NXPH1: variants seen among roughly 807,000 people sequenced by gnomAD.
The protein encoded by NXPH1 is neurexophilin 1, also known as neurexophilin-1.
A neutral mutation model predicts 23.7 loss-of-function variants in NXPH1; 5 were observed. The ratio of observed to expected loss-of-function variants is 0.21; its 90% CI spans 0.11 to 0.44. NXPH1 has a LOEUF of 0.44. NXPH1 is among the 20% of genes least tolerant of loss of function. NXPH1 has a pLI of 0.99. For missense variants in NXPH1, 324 were observed against 321.6 expected (o/e 1.01, Z -0.06); for synonymous variants, 144 against 122.2 (o/e 1.18, Z -1.18).
At chr7:8,683,478 C>T (rs1289616567) in intron 2 of NXPH1, among the ~76,000 whole-genome samples, 2 of 152,240 alleles carry the variant, frequency 1.3e-5, no homozygotes, top group East Asian at 3.9e-4. Context: ...ATTTAGAATT[C>T]TTACACAGGA....
intron 2 of NXPH1, among the ~76,000 whole-genome samples, chr7:8,523,437 G>A (rs1366322396): frequency 6.6e-6 from 1 of 152,144 alleles, no homozygotes; most frequent in African/African-American, 2.4e-5. Flanking sequence ...TGATAAATAT[G>A]ACTGTACATT....
chr7:8,574,253 C>G (rs984882919), intron 2 of NXPH1, among the ~76,000 whole-genome samples: 8 of 151,826 alleles, frequency 5.3e-5, no homozygotes, highest in African/African-American at 1.9e-4. Flanking sequence ...ATTTTCTAGG[C>G]AAAACTGTTT....
intron 2 of NXPH1, among the ~76,000 whole-genome samples, chr7:8,664,931 T>C (rs1027090958): frequency 1.3e-5 from 2 of 152,084 alleles, no homozygotes; most frequent in African/African-American, 4.8e-5. Context: ...TAATCTCTTA[T>C]CAGGTGTGCA....
At chr7:8,606,148 C>T (rs1353025277) in intron 2 of NXPH1, among the ~76,000 whole-genome samples, 1 of 152,024 alleles carries the variant, frequency 6.6e-6, no homozygotes, top group Non-Finnish European at 1.5e-5. Flanking sequence ...GTATTCAGTA[C>T]TCAATTTAAC....
chr7:8,736,911 G>T (rs1444221384), intron 2 of NXPH1, among the ~76,000 whole-genome samples: 1 of 150,678 alleles, frequency 6.6e-6, no homozygotes, highest in African/African-American at 2.4e-5. Context: ...GGTCTTTGTT[G>T]GTTTAAAGTC....
chr7:8,651,560 A>G (rs925811345), intron 2 of NXPH1, among the ~76,000 whole-genome samples: 1 of 151,990 alleles, frequency 6.6e-6, no homozygotes, highest in African/African-American at 2.4e-5. Flanking sequence ...GACTTCCACA[A>G]TGGTTGAACT....
chr7:8,536,012 C>G (rs1186102516), intron 2 of NXPH1, among the ~76,000 whole-genome samples: 1 of 151,990 alleles, frequency 6.6e-6, no homozygotes, highest in East Asian at 1.9e-4. Context: ...ATCCTTTGCT[C>G]AGATGGGCAT....
At chr7:8,634,963 T>A (rs1820195864) in intron 2 of NXPH1, among the ~76,000 whole-genome samples, 1 of 148,948 alleles carries the variant, frequency 6.7e-6, no homozygotes, top group African/African-American at 2.5e-5. Context: ...ATGACTCTTT[T>A]GCTTCTCACC....
At chr7:8,556,538 G>A (rs1562401170) in intron 2 of NXPH1, among the ~76,000 whole-genome samples, 1 of 151,644 alleles carries the variant, frequency 6.6e-6, no homozygotes, top group Admixed American at 6.6e-5. Flanking sequence ...TGAGTTCCGA[G>A]AATGCTCCAG....
rs1355429167 is a variant in NXPH1, at chr7:8,442,738, A to T, written c.54+6971A>T. On this transcript the variant is annotated intron_variant, in intron 2 of 2. Coordinates refer to ENST00000405863, the MANE Select transcript of NXPH1 (RefSeq NM_152745.3). The surrounding 1 kb of genome is among the most constrained non-coding windows in gnomAD (Gnocchi z 4.6). ...TATTGTCTGCTTTCAGTCGCAGGTG[A>T]CCTCGAGCGATCTCGACAGGTTTAT... 1.3e-5 allele frequency among the ~76,000 whole-genome samples: 2 copies of T among 152,120 alleles called. No homozygotes were observed. The highest frequency in any genetic ancestry group is 6.5e-5 in the Admixed American group (1 of 15,276).
intron 2 of NXPH1, among the ~76,000 whole-genome samples, chr7:8,689,058 A>G (rs1821189423): frequency 6.6e-6 from 1 of 152,116 alleles, no homozygotes; most frequent in Non-Finnish European, 1.5e-5. Flanking sequence ...CTGACTGAGT[A>G]TTTGCTCTTA....
At chr7:8,733,320 A>G (rs1780190906) in intron 2 of NXPH1, among the ~76,000 whole-genome samples, 1 of 152,180 alleles carries the variant, frequency 6.6e-6, no homozygotes, top group Non-Finnish European at 1.5e-5. Flanking sequence ...GCTATTGTGA[A>G]TAGTGCTGCA....
intron 2 of NXPH1, among the ~76,000 whole-genome samples, chr7:8,484,782 G>A (rs1301009607): frequency 1.3e-5 from 2 of 151,914 alleles, no homozygotes; most frequent in African/African-American, 4.8e-5. Context: ...CTTTAATCAG[G>A]GAAAAATATT....
intron 2 of NXPH1, among the ~76,000 whole-genome samples, chr7:8,674,297 G>C (rs1562450801): frequency 6.6e-6 from 1 of 151,914 alleles, no homozygotes; most frequent in African/African-American, 2.4e-5. Context: ...AAAATTCTGT[G>C]GGTTGCCTAA....
intron 2 of NXPH1, among the ~76,000 whole-genome samples, chr7:8,548,376 T>C (rs1032359766): frequency 1.3e-5 from 2 of 151,586 alleles, no homozygotes; most frequent in African/African-American, 4.8e-5. Context: ...TCTATCTGCA[T>C]GGACCCATTC....
chr7:8,736,166 G>C (rs1440445583), intron 2 of NXPH1, among the ~76,000 whole-genome samples: 1 of 152,022 alleles, frequency 6.6e-6, no homozygotes, highest in Non-Finnish European at 1.5e-5. Context: ...CTTGTCTTCT[G>C]CTAGCTTTTG....
chr7:8,492,724 G>C (rs1817269694), intron 2 of NXPH1, among the ~76,000 whole-genome samples: 1 of 151,988 alleles, frequency 6.6e-6, no homozygotes, highest in Non-Finnish European at 1.5e-5. Flanking sequence ...CAATAATGCT[G>C]ATGCTGTTTC....
intron 2 of NXPH1, among the ~76,000 whole-genome samples, chr7:8,675,224 G>A (rs1425272259): frequency 1.3e-5 from 2 of 151,524 alleles, no homozygotes; most frequent in Non-Finnish European, 2.9e-5. Flanking sequence ...CTCTAAAATG[G>A]GACTAAGAAT....
intron 2 of NXPH1, among the ~76,000 whole-genome samples, chr7:8,666,258 A>G (rs1820763854): frequency 6.6e-6 from 1 of 151,830 alleles, no homozygotes; most frequent in African/African-American, 2.4e-5. Context: ...ATGAAGGGTT[A>G]TTATGTTTGT....
Sources: allele counts gnomAD v4.1 joint callset (sites outside exome capture counted in the v4.1 genomes callset), GRCh38; gene constraint gnomAD v4.1.1; non-coding constraint Gnocchi (gnomAD v3.1); transcripts MANE v1.5; gene names NCBI Gene and HGNC (gene_info 2026-07-23, HGNC 2026-07-21).